Variants in SORBS2 observed in about 807,000 individuals in gnomAD.
SORBS2 encodes the protein sorbin and SH3 domain-containing protein 2.
Under a neutral mutation model 97.7 loss-of-function variants are expected in SORBS2, and 46 were observed. The observed-to-expected ratio is 0.47, with a 90% CI of 0.37 to 0.60. The LOEUF (loss-of-function observed/expected upper bound fraction) is 0.60. Ranked by LOEUF, SORBS2 falls within the 20% of genes least tolerant of loss-of-function variation. The probability of loss-of-function intolerance (pLI) is 0.00; values close to 1 mark genes in which losing one functional copy is unlikely to be tolerated. For synonymous variants in SORBS2, 476 were observed against 473.4 expected (o/e 1.01, Z -0.07); for missense variants, 1,316 against 1,282.3 (o/e 1.03, Z -0.40).
rs536790771 is a variant in SORBS2, at chr4:185,762,610, C to T, written c.-198+12617G>A. The stretch of plus-strand genomic sequence containing the variant: ...AAGGGGAACAGATTTCATGAAGATG[C>T]GAGAGTCAGCAGCATGTAATGCCAG... On this transcript the variant is annotated intron_variant, in intron 2 of 20. Transcript: ENST00000284776. Among the ~76,000 whole-genome samples, 130 of 152,172 alleles carry T rather than the reference C, an allele frequency of 8.5e-4. 1 individual carries two copies. The highest frequency in any genetic ancestry group is 3.0e-3 in the African/African-American group (124 of 41,494).
chr4:185,851,704 C>A (rs944485511), intron 1 of SORBS2, among the ~76,000 whole-genome samples: 22 of 152,084 alleles, frequency 1.4e-4, no homozygotes, highest in African/African-American at 5.3e-4. Context: ...CAGCTGCCAG[C>A]ACGGCCAGAA....
At chr4:185,685,572 C>T (rs2097941301) in intron 2 of SORBS2, among the ~76,000 whole-genome samples, 1 of 152,178 alleles carries the variant, frequency 6.6e-6, no homozygotes, top group Admixed American at 6.5e-5. Context: ...TGCTCCATCA[C>T]CCAGGCTGGA....
intron 1 of SORBS2, among the ~76,000 whole-genome samples, chr4:185,904,129 T>G (rs767270525): frequency 6.6e-6 from 1 of 152,260 alleles, no homozygotes; most frequent in Non-Finnish European, 1.5e-5. Context: ...TTATCATGAC[T>G]TCAGTTTTCT....
intron 4 of SORBS2, chr4:185,665,884 C>A (rs575636496): frequency 1.7e-6 from 2 of 1,186,690 alleles, no homozygotes; most frequent in Admixed American, 3.4e-5. Flanking sequence ...ACTCTCCGAG[C>A]GGGAGGAGTG....
intron 1 of SORBS2, among the ~76,000 whole-genome samples, chr4:185,787,203 G>T (rs1417034737): frequency 2.0e-5 from 3 of 152,182 alleles, no homozygotes; most frequent in South Asian, 2.1e-4. Flanking sequence ...CAGCACAGTG[G>T]CTGGTCGCTA....
At chr4:185,586,215 A>C (rs964114172) in exon 15 of SORBS2, 4 of 152,690 alleles carry the variant, frequency 2.6e-5, no homozygotes, top group Non-Finnish European at 5.9e-5. Context: ...AAAGATGAAC[A>C]GTTCTTATGC....
At chr4:185,677,551 TTAC>T in intron 4 of SORBS2, 1 of 1,548,380 alleles carries the variant, frequency 6.5e-7, no homozygotes, top group Non-Finnish European at 8.7e-7. Context: ...TGTGTGTTAG[TTAC>T]TAACTGGTCT....
intron 1 of SORBS2, among the ~76,000 whole-genome samples, chr4:185,920,519 C>T (rs538189781): frequency 9.2e-5 from 14 of 152,280 alleles, no homozygotes; most frequent in African/African-American, 3.1e-4. Flanking sequence ...TCCATCCTTC[C>T]TAAAAGTGCT....
intron 4 of SORBS2, among the ~76,000 whole-genome samples, chr4:185,669,405 G>T (rs1052820300): frequency 1.6e-4 from 25 of 152,166 alleles, no homozygotes; most frequent in African/African-American, 5.8e-4. Flanking sequence ...ATAGTCATGG[G>T]TAATATGACC....
At chr4:185,762,100 G>A (rs1284702060) in intron 2 of SORBS2, among the ~76,000 whole-genome samples, 2 of 152,132 alleles carry the variant, frequency 1.3e-5, no homozygotes, top group Non-Finnish European at 2.9e-5. Context: ...TGTTGCAATA[G>A]CCTGTGAACT....
chr4:185,855,975 C>T (rs1190201309), intron 1 of SORBS2, among the ~76,000 whole-genome samples: 1 of 152,158 alleles, frequency 6.6e-6, no homozygotes, highest in Non-Finnish European at 1.5e-5. Flanking sequence ...ATTCTCAGCA[C>T]ATAGCACAAT....
At chr4:185,882,675 T>C (rs1172067883) in intron 1 of SORBS2, among the ~76,000 whole-genome samples, 1 of 152,150 alleles carries the variant, frequency 6.6e-6, no homozygotes, top group Non-Finnish European at 1.5e-5. Context: ...CCACACTACA[T>C]AATTTTGAGA....
At chr4:185,896,205 A>G (rs947709311) in intron 1 of SORBS2, among the ~76,000 whole-genome samples, 1 of 152,240 alleles carries the variant, frequency 6.6e-6, no homozygotes, top group Non-Finnish European at 1.5e-5. Flanking sequence ...AAATGGATTC[A>G]TGCATAAAGA....
At chr4:185,907,229 C>T (rs1039199734) in intron 1 of SORBS2, among the ~76,000 whole-genome samples, 2 of 152,084 alleles carry the variant, frequency 1.3e-5, no homozygotes, top group African/African-American at 4.8e-5. Flanking sequence ...GAAGTCGAAC[C>T]ATGGAATAGA....
chr4:185,823,071 T>C (rs1015438044), intron 1 of SORBS2, among the ~76,000 whole-genome samples: 1 of 152,210 alleles, frequency 6.6e-6, no homozygotes, highest in Non-Finnish European at 1.5e-5. Flanking sequence ...AAGTGCCGTT[T>C]TACGGAGTGT....
At chr4:185,909,392 T>C (rs1262348678) in intron 1 of SORBS2, among the ~76,000 whole-genome samples, 1 of 151,948 alleles carries the variant, frequency 6.6e-6, no homozygotes, top group African/African-American at 2.4e-5. Context: ...GCTAGGGGTA[T>C]GTGGGGAGGG....
At chr4:185,677,920 GT>G (rs1312076542) in intron 4 of SORBS2, among the ~76,000 whole-genome samples, 1 of 152,120 alleles carries the variant, frequency 6.6e-6, no homozygotes, top group African/African-American at 2.4e-5. Flanking sequence ...GGGAAATTAT[GT>G]TAAAAGTGAA....
At chr4:185,676,873 C>T in intron 4 of SORBS2, 1 of 753,624 alleles carries the variant, frequency 1.3e-6, no homozygotes, top group Non-Finnish European at 2.1e-6. Context: ...TGGTTTCTTT[C>T]TCCTTTCCCT....
Position 185,630,614 on chromosome 4 carries a change from A to G in SORBS2, c.397-16T>C. ...ACAAGGAGGCCTGTTAAGATAGGATAATAGTACCATGAAAAATTTTACCGT... is the reference window on the plus strand; with the variant it reads ...ACAAGGAGGCCTGTTAAGATAGGATGATAGTACCATGAAAAATTTTACCGT... On this transcript the variant is annotated splice_polypyrimidine_tract_variant and intron_variant, in intron 4 of 14. Coordinates refer to ENST00000418609, the Ensembl canonical transcript of SORBS2. 6.4e-7 allele frequency: 1 copy of G among 1,561,986 alleles called. No homozygotes were observed.
Sources: allele counts gnomAD v4.1 joint callset (sites outside exome capture counted in the v4.1 genomes callset), GRCh38; gene constraint gnomAD v4.1.1; transcripts MANE v1.5; gene names NCBI Gene and HGNC (gene_info 2026-07-23, HGNC 2026-07-21).